The following INTS2 variants were observed in gnomAD, a reference collection of about 807,000 sequenced individuals.
The protein encoded by INTS2 is KIAA1287.
INTS2 carries 57 observed loss-of-function variants against 139.6 expected under a neutral mutation model. The ratio of observed to expected loss-of-function variants is 0.41; its 90% CI spans 0.33 to 0.51. INTS2 has a LOEUF of 0.51. Among genes scored for constraint, INTS2 ranks in the 20% least tolerant of loss-of-function variants. The probability of loss-of-function intolerance (pLI) is 0.28; values close to 1 mark genes in which losing one functional copy is unlikely to be tolerated. For missense variants in INTS2, 1,196 were observed against 1,436.7 expected, an observed-to-expected ratio of 0.83 and a Z score of 2.71; for synonymous variants, 473 against 493.4, an observed-to-expected ratio of 0.96 and a Z score of 0.55.
At chr17:61,885,654 A>T in intron 15 of INTS2, among the ~76,000 whole-genome samples, 1 of 151,326 alleles carries the variant, frequency 6.6e-6, no homozygotes, top group Admixed American at 6.6e-5. Flanking sequence ...TCCTGAACTC[A>T]GGGGGATCTA....
Position 61,925,032 on chromosome 17 carries a change from C to G in INTS2, c.361G>C (p.Glu121Gln). Residue 121 changes from glutamate (E) to glutamine (Q), a missense_variant, in exon 3 of 25, where the codon GAG (glutamate) becomes CAG (glutamine). By Grantham distance (29) the Glu-to-Gln change is conservative (BLOSUM62 2). Around this residue, in one of 3 missense-constraint regions of INTS2, gnomAD observed 1,129 missense variants for 1,341.9 expected, o/e 0.84. Coordinates refer to ENST00000251334, the MANE Select transcript of INTS2 (RefSeq NM_001351695.2). ...VSQLQHGLTL[E>Q]FEHSDSPRRL... ...CGAGGTGAATCACTGTGTTCAAACT[C>G]TAACGTCAGTCCATGCTGAAGCTGT... is the stretch of plus-strand genomic sequence containing the variant. 1 of 1,613,822 alleles carries G rather than the reference C, an allele frequency of 6.2e-7. No homozygotes were observed. Among genetic ancestry groups the G allele is most frequent in the Non-Finnish European group, 8.5e-7 (1 of 1,179,802 alleles).
chr17:61,911,966 GAGA>G lies in INTS2; in HGVS notation c.751_753del (p.Ser251del), dbSNP rs759929945. 1.4e-4 allele frequency: 232 copies of G among 1,613,580 alleles called. No homozygotes were observed. The highest frequency in any genetic ancestry group is 1.9e-4 in the Non-Finnish European group (230 of 1,179,808). On this transcript the variant is annotated inframe_deletion, in exon 6 of 25. Transcript: ENST00000251334. The stretch of plus-strand genomic sequence containing the variant: ...ACCATGCCTCGGACCTTGAGGGCCT[GAGA>G]AGGATTCATTTTACACAAGAAGCGT...
rs2079075229 is a variant in INTS2 at position 61,869,878 on chromosome 17, G to T, written c.2889C>A (p.Thr963=). ...SLLRNVQSVI[T]TSAPNKGMEE... is the part of the protein sequence containing the mutation. The stretch of plus-strand genomic sequence containing the variant: ...CCATTCCCTTATTTGGAGCGCTGGT[G>T]GTAATAACACTTTGAACATTTCTTA... Residue 963 remains threonine, a synonymous_variant, in exon 21 of 25, where the codon ACC becomes ACA. Transcript: ENST00000251334. The surrounding 1 kb of genome is among the most constrained non-coding windows in gnomAD (Gnocchi z 5.4). 1.2e-5 allele frequency: 20 copies of T among 1,613,826 alleles called. No homozygotes were observed. Among genetic ancestry groups the T allele is most frequent in the Non-Finnish European group, 1.7e-5 (20 of 1,179,806 alleles).
Position 61,897,139 on chromosome 17 carries a change from CATCAT to C in INTS2, c.1494+325_1494+329del, listed in dbSNP as rs1244328206. Among the ~76,000 whole-genome samples the C allele has an allele frequency of 1.3e-5, 2 of 152,008 alleles. No individual in the cohort carries two copies. The highest frequency in any genetic ancestry group is 2.9e-5 in the Non-Finnish European group (2 of 67,988). On this transcript the variant is annotated intron_variant, in intron 11 of 24. Transcript: ENST00000251334. The surrounding 1 kb of genome is among the most constrained non-coding windows in gnomAD (Gnocchi z 4.4). ...ATATTTATTGATATGAGTAAATGCT[CATCAT>C]ATATTAATTTTTTTAAATCATCAAA...
At position 61,876,594 on chromosome 17, in the gene INTS2, C is replaced by G. The variant is rs879856963; in HGVS notation, c.2456+1293G>C. On this transcript the variant is annotated intron_variant, in intron 18 of 24. Transcript: ENST00000251334. This position sits in a 1 kb window ranked among gnomAD's most constrained non-coding sequence, Gnocchi z 4.1. Reference sequence around the variant, plus strand: ...GCTGGGAATACAGGCATGCATGCACCACCATGCCCTGCTAATTTTTGTATT... The same window carrying G: ...GCTGGGAATACAGGCATGCATGCACGACCATGCCCTGCTAATTTTTGTATT... Among the ~76,000 whole-genome samples, 16 of 152,018 alleles carry G rather than the reference C, an allele frequency of 1.1e-4. No individual in the cohort carries two copies. Among genetic ancestry groups the G allele is most frequent in the Non-Finnish European group, 2.1e-4 (14 of 67,982 alleles).
chr17:61,904,118 A>C (rs1392934657), intron 9 of INTS2, among the ~76,000 whole-genome samples: 1 of 152,224 alleles, frequency 6.6e-6, no homozygotes, highest in African/African-American at 2.4e-5. Context: ...AAAATGAATC[A>C]GATGCTACTG....
chr17:61,899,483 C>CT (rs1567905195), intron 9 of INTS2, among the ~76,000 whole-genome samples: 1 of 151,880 alleles, frequency 6.6e-6, no homozygotes, highest in African/African-American at 2.4e-5. Context: ...AACTCCTGAC[C>CT]TTTAGGTGAT....
In INTS2 at chr17:61,924,049, T is replaced by A. The variant is rs1363122434; in HGVS notation, c.432+912A>T. On this transcript the variant is annotated intron_variant, in intron 3 of 24. Coordinates refer to ENST00000251334, the MANE Select transcript of INTS2 (RefSeq NM_001351695.2). ...ACCCAAAGGTCTATGACCTAAGTAATCTATAATTTTACAAAGAAGATAACT... is the reference window on the plus strand; with the variant it reads ...ACCCAAAGGTCTATGACCTAAGTAAACTATAATTTTACAAAGAAGATAACT... 2.6e-5 allele frequency among the ~76,000 whole-genome samples: 4 copies of A among 152,156 alleles called. No individual in the cohort carries two copies. The East Asian group carries it at 7.7e-4, about 29-fold the overall frequency.
At chr17:61,885,076 A>C in intron 15 of INTS2, 71 bp from the exon 16 acceptor site, 1 of 1,003,820 alleles carries the variant, frequency 1.0e-6, no homozygotes, top group Non-Finnish European at 1.5e-6. Context: ...TTCAACCCAA[A>C]TGGAAACAAA....
chr17:61,903,191 AAAG>A (rs1192247912), intron 9 of INTS2, among the ~76,000 whole-genome samples: 108 of 150,216 alleles, frequency 7.2e-4, no homozygotes, highest in African/African-American at 2.4e-3. Flanking sequence ...AAAAAAAAAA[AAAG>A]AAAGAAAGGA....
chr17:61,888,154 C>G (rs368091873), intron 15 of INTS2, among the ~76,000 whole-genome samples: 1 of 151,824 alleles, frequency 6.6e-6, no homozygotes, highest in Non-Finnish European at 1.5e-5. Flanking sequence ...GAGGACTGCT[C>G]GAGCCCAGGA....
At chr17:61,884,806 T>A (rs1369357719) in intron 16 of INTS2, 95 bp downstream of exon 16, 1 of 770,534 alleles carries the variant, frequency 1.3e-6, no homozygotes, top group African/African-American at 1.8e-5. Context: ...CTGTTTGAAT[T>A]TTTAACATTA....
At chr17:61,880,429 G>GA (rs2079167536) in intron 17 of INTS2, among the ~76,000 whole-genome samples, 1 of 152,074 alleles carries the variant, frequency 6.6e-6, no homozygotes, top group Admixed American at 6.6e-5. Flanking sequence ...ACCTATGAGA[G>GA]AAAAGATACA....
At position 61,897,655 on chromosome 17, in the gene INTS2, CA is replaced by C; in HGVS notation, c.1379+12del. 6.3e-7 allele frequency: 1 copy of C among 1,595,242 alleles called. No individual in the cohort carries two copies. The highest frequency in any genetic ancestry group is 1.3e-5 in the African/African-American group (1 of 74,770). On this transcript the variant is annotated intron_variant, in intron 10 of 24. Coordinates refer to ENST00000251334, the MANE Select transcript of INTS2 (RefSeq NM_001351695.2). This position sits in a 1 kb window ranked among gnomAD's most constrained non-coding sequence, Gnocchi z 4.4. ...GAAAAGCTTTCTCAACTAACTAAATCAAATTATCTTACCTCTCAAAATACGC... is the reference window on the plus strand; with the variant it reads ...GAAAAGCTTTCTCAACTAACTAAATCAATTATCTTACCTCTCAAAATACGC...
intron 15 of INTS2, among the ~76,000 whole-genome samples, chr17:61,887,822 G>T (rs1160196553): frequency 6.6e-6 from 1 of 151,710 alleles, no homozygotes; most frequent in African/African-American, 2.4e-5. Context: ...AGAGGCTGAG[G>T]TGTGTGGATC....
chr17:61,923,196 G>C (rs888030923), intron 3 of INTS2, among the ~76,000 whole-genome samples: 1 of 151,678 alleles, frequency 6.6e-6, no homozygotes, highest in Non-Finnish European at 1.5e-5. Flanking sequence ...TCTAAAACTC[G>C]GCCGGGCGCA....
intron 3 of INTS2, 87 bp from the exon 4 acceptor site, chr17:61,921,914 A>T: frequency 1.4e-6 from 1 of 701,786 alleles, no homozygotes; most frequent in Non-Finnish European, 2.4e-6. Context: ...GAGCTCACAG[A>T]TTATGTCTCT....
intron 5 of INTS2, 47 bp downstream of exon 5, chr17:61,919,353 A>G (rs1365984263): frequency 4.5e-6 from 4 of 898,068 alleles, no homozygotes; most frequent in Non-Finnish European, 7.2e-6. Context: ...GGTCCTGTAC[A>G]TGTCCAAGCA....
chr17:61,898,461 A>AT (rs909758064), intron 9 of INTS2, among the ~76,000 whole-genome samples: 2 of 152,022 alleles, frequency 1.3e-5, no homozygotes, highest in African/African-American at 4.8e-5. Flanking sequence ...CATCCAGCTA[A>AT]TATTTTTTAT....
Sources: gnomAD v4.1 joint callset for allele counts (sites outside exome capture counted in the v4.1 genomes callset) on GRCh38, gnomAD v4.1.1 for gene constraint, gnomAD v4.1.1 regional missense constraint, Gnocchi (gnomAD v3.1) non-coding constraint, MANE v1.5 for transcripts, NCBI Gene and HGNC (gene_info 2026-07-23, HGNC 2026-07-21) for gene names.